ADAMTS19: variants seen among roughly 807,000 people sequenced by gnomAD.
ADAMTS19 encodes ADAM metallopeptidase with thrombospondin type 1 motif 19.
Under a neutral mutation model 153.3 loss-of-function variants are expected in ADAMTS19, and 93 were observed. The ratio of observed to expected loss-of-function variants is 0.61; its 90% CI spans 0.51 to 0.72. The LOEUF (loss-of-function observed/expected upper bound fraction) is 0.72. Among genes scored for constraint, ADAMTS19 ranks in the 30% least tolerant of loss-of-function variants. ADAMTS19 has a pLI of 0.00. For synonymous variants in ADAMTS19, 600 were observed against 556.6 expected (o/e 1.08, Z -1.10); for missense variants, 1,482 against 1,552.1 (o/e 0.95, Z 0.76).
chr5:129,618,248 T>C (rs891396534), intron 8 of ADAMTS19, among the ~76,000 whole-genome samples: 1 of 152,066 alleles, frequency 6.6e-6, no homozygotes, highest in Non-Finnish European at 1.5e-5. Context: ...TGAAAACATT[T>C]ATCTTCCTAT....
intron 3 of ADAMTS19, among the ~76,000 whole-genome samples, chr5:129,522,332 C>CACACACACACAT (rs1309115957): frequency 1.7e-5 from 1 of 58,626 alleles, no homozygotes; most frequent in Non-Finnish European, 2.8e-5. Context: ...CACACACACA[C>CACACACACACAT]ATATATATAT....
At chr5:129,709,278 G>A (rs13165319) in intron 21 of ADAMTS19, among the ~76,000 whole-genome samples, 1,843 of 151,906 alleles carry the variant, frequency 0.012, 22 homozygotes, top group Non-Finnish European at 0.021. Flanking sequence ...TCTCAAAATG[G>A]TGTTCTACAA....
chr5:129,565,993 A>G (rs1463154989), intron 7 of ADAMTS19, among the ~76,000 whole-genome samples: 1 of 152,110 alleles, frequency 6.6e-6, no homozygotes, highest in African/African-American at 2.4e-5. Flanking sequence ...AATTTATATT[A>G]TTTTAAAGCA....
intron 18 of ADAMTS19, among the ~76,000 whole-genome samples, chr5:129,692,996 A>G (rs1008487878): frequency 6.6e-6 from 1 of 152,200 alleles, no homozygotes; most frequent in Middle Eastern, 3.2e-3. Flanking sequence ...TAACTTAGCC[A>G]ACATTGTGTT....
At chr5:129,597,252 T>C (rs57570488) in intron 8 of ADAMTS19, among the ~76,000 whole-genome samples, 6,700 of 152,256 alleles carry the variant, frequency 0.044, 461 homozygotes, top group African/African-American at 0.15. Flanking sequence ...AAATTAATAA[T>C]AGGAATAATT....
chr5:129,579,289 G>A, intron 7 of ADAMTS19, among the ~76,000 whole-genome samples: 1 of 152,004 alleles, frequency 6.6e-6, no homozygotes, highest in African/African-American at 2.4e-5. Flanking sequence ...TGATGGGGTT[G>A]TTTTTTTCTT....
At chr5:129,592,068 C>T (rs1750162510) in intron 7 of ADAMTS19, among the ~76,000 whole-genome samples, 2 of 151,866 alleles carry the variant, frequency 1.3e-5, no homozygotes, top group African/African-American at 4.8e-5. Flanking sequence ...CTTTTTATTT[C>T]CAGAACTTTT....
chr5:129,670,978 T>C (rs1282463216), intron 16 of ADAMTS19, among the ~76,000 whole-genome samples: 2 of 152,194 alleles, frequency 1.3e-5, no homozygotes, highest in African/African-American at 4.8e-5. Flanking sequence ...GCAGGGTCTT[T>C]TACTTGTAGA....
chr5:129,683,502 G>A (rs905769784), intron 17 of ADAMTS19, among the ~76,000 whole-genome samples: 1 of 151,996 alleles, frequency 6.6e-6, no homozygotes, highest in South Asian at 2.1e-4. Context: ...TATACTACAA[G>A]TGGAAAATCA....
chr5:129,586,881 T>G (rs76244727), intron 7 of ADAMTS19, among the ~76,000 whole-genome samples: 7,739 of 152,276 alleles, frequency 0.051, 291 homozygotes, highest in Non-Finnish European at 0.075. Context: ...CTTACAATTT[T>G]TTTCGAAATA....
intron 13 of ADAMTS19, among the ~76,000 whole-genome samples, chr5:129,653,623 C>A (rs547662578): frequency 6.6e-6 from 1 of 152,252 alleles, no homozygotes; most frequent in South Asian, 2.1e-4. Flanking sequence ...TCAGCAGTTG[C>A]GCATAACTAT....
intron 6 of ADAMTS19, among the ~76,000 whole-genome samples, chr5:129,544,306 C>T: frequency 1.3e-5 from 2 of 152,150 alleles, no homozygotes; most frequent in East Asian, 3.9e-4. Context: ...AACTGAACAT[C>T]TTATTGAGAC....
At chr5:129,480,441 G>T (rs775349915) in intron 2 of ADAMTS19, among the ~76,000 whole-genome samples, 12 of 152,012 alleles carry the variant, frequency 7.9e-5, no homozygotes, top group Non-Finnish European at 1.3e-4. Context: ...TTTTTCAAAT[G>T]ACACTGATAT....
At chr5:129,621,771 A>G (rs1751786142) in intron 9 of ADAMTS19, among the ~76,000 whole-genome samples, 2 of 152,066 alleles carry the variant, frequency 1.3e-5, no homozygotes, top group Non-Finnish European at 2.9e-5. Flanking sequence ...GTCAAGCACA[A>G]ATATATCTAC....
chr5:129,493,486 T>C (rs1750834331), intron 2 of ADAMTS19, among the ~76,000 whole-genome samples: 2 of 152,026 alleles, frequency 1.3e-5, no homozygotes, highest in Admixed American at 6.6e-5. Flanking sequence ...GTATTTTGAA[T>C]AACTTTCAAC....
intron 20 of ADAMTS19, among the ~76,000 whole-genome samples, chr5:129,702,838 T>C (rs997541664): frequency 6.6e-6 from 1 of 150,414 alleles, no homozygotes; most frequent in African/African-American, 2.5e-5. Flanking sequence ...AGAAATAATA[T>C]GTCATAATGC....
At position 129,679,788 on chromosome 5, in the gene ADAMTS19, C is replaced by G. The variant is rs1190706534; in HGVS notation, c.2531C>G (p.Ser844Cys). The change falls in exon 17 of 23, where the codon TCT (serine) becomes TGT (cysteine). Residue 844 changes from serine (S) to cysteine (C), a missense_variant. By Grantham distance (112) the Ser-to-Cys change is moderately radical (BLOSUM62 -1). This residue lies in a region of ADAMTS19 where 616 missense variants were observed against 724.4 expected (regional missense o/e 0.85). Coordinates refer to ENST00000274487, the MANE Select transcript of ADAMTS19 (RefSeq NM_133638.6). ...YLALRDAGKQ[S>C]INSDWKIEHS... Reference sequence around the variant, plus strand: ...GCTCTCCGAGATGCTGGCAAACAGTCTATTAATAGTGACTGGAAGATTGAA... The same window carrying G: ...GCTCTCCGAGATGCTGGCAAACAGTGTATTAATAGTGACTGGAAGATTGAA... The G allele has an allele frequency of 1.2e-6, 2 of 1,613,242 alleles. No homozygotes were observed. The highest frequency in any genetic ancestry group is 1.7e-6 in the Non-Finnish European group (2 of 1,179,690).
chr5:129,634,397 TA>T, intron 10 of ADAMTS19, among the ~76,000 whole-genome samples: 1 of 152,280 alleles, frequency 6.6e-6, no homozygotes, highest in East Asian at 1.9e-4. Flanking sequence ...CCTATTAAAC[TA>T]CCATTGATAT....
At chr5:129,664,903 A>G (rs1320922831) in intron 15 of ADAMTS19, among the ~76,000 whole-genome samples, 1 of 152,000 alleles carries the variant, frequency 6.6e-6, no homozygotes, top group Non-Finnish European at 1.5e-5. Context: ...GAAGCACCTA[A>G]TCATGTCTTG....
Sources: allele counts gnomAD v4.1 joint callset (sites outside exome capture counted in the v4.1 genomes callset), GRCh38; gene constraint gnomAD v4.1.1; regional missense constraint gnomAD v4.1.1; transcripts MANE v1.5; gene names NCBI Gene and HGNC (gene_info 2026-07-23, HGNC 2026-07-21).